LTF: variants seen among roughly 807,000 people sequenced by gnomAD.
The protein encoded by LTF is epididymis luminal protein 110.
LTF carries 91 observed loss-of-function variants against 87.2 expected under a neutral mutation model. That is an observed-to-expected ratio of 1.04 (90% confidence interval 0.88 to 1.24). LTF has a LOEUF of 1.24. Among genes scored for constraint, LTF ranks in the 50% most tolerant of loss-of-function variants. The probability of loss-of-function intolerance (pLI) is 0.00; values close to 1 mark genes in which losing one functional copy is unlikely to be tolerated. For missense variants in LTF, 901 were observed against 904.3 expected (o/e 1.00, Z 0.05); for synonymous variants, 378 against 356.1 (o/e 1.06, Z -0.69).
intron 1 of LTF, among the ~76,000 whole-genome samples, chr3:46,472,898 G>A (rs1703312371): frequency 6.6e-6 from 1 of 152,030 alleles, no homozygotes; most frequent in South Asian, 2.1e-4. Context: ...ACCCCTCCAG[G>A]TGGCCTTCTC....
chr3:46,440,286 G>A (rs1247270270), intron 14 of LTF, among the ~76,000 whole-genome samples: 5 of 152,158 alleles, frequency 3.3e-5, no homozygotes, highest in African/African-American at 1.2e-4. Context: ...TTACATTCAA[G>A]GAGAAATTGG....
rs1387068409 is a variant in LTF, at chr3:46,459,790, C to T, written c.73G>A (p.Val25Ile). ...GGTTGGGATACGGCGCACCACTGAA[C>T]ACTCCTCCTACGGCCAGCCAGACAC... ...GLCLAGRRRS[V>I]QWCAVSQPEA... is the part of the protein sequence containing the mutation. Residue 25 changes from valine (V) to isoleucine (I), a missense_variant, in exon 2 of 17, where the codon GTT (valine) becomes ATT (isoleucine). By Grantham distance (29) the Val-to-Ile change is conservative. Transcript: ENST00000231751. 3 of 1,413,838 alleles carry T rather than the reference C, an allele frequency of 2.1e-6. No homozygotes were observed. In the African/African-American group the frequency reaches 1.0e-4, roughly 47 times the overall value. 87.6% of individuals were successfully genotyped at this position (1,413,838 alleles called of 1,614,324 possible).
intron 11 of LTF, among the ~76,000 whole-genome samples, chr3:46,446,231 G>A (rs1702650516): frequency 6.6e-6 from 1 of 152,116 alleles, no homozygotes; most frequent in African/African-American, 2.4e-5. Context: ...GGGACTATAT[G>A]GATGTTCTTT....
intron 3 of LTF, 101 bp downstream of exon 3, chr3:46,456,189 G>A: frequency 9.1e-7 from 1 of 1,095,448 alleles, no homozygotes; most frequent in Non-Finnish European, 1.4e-6. Context: ...TGTGTGATGT[G>A]ACCCAGACTC....
In LTF at chr3:46,445,396, G is replaced by C; in HGVS notation, c.1398C>G (p.Ser466Arg). The change falls in exon 12 of 17, where the codon AGC (serine) becomes AGG (arginine). Residue 466 changes from serine (S) to arginine (R), a missense_variant. Coordinates refer to ENST00000231751, the MANE Select transcript of LTF (RefSeq NM_002343.6). ...TGCCTTTCACAGAGTTCCAGGTAAG[G>C]CTAGTGTCTGATCTCCTAACCACCG... ...AVAVVRRSDTSLTWNSVKGKK... is the reference protein window; with the variant it reads ...AVAVVRRSDTRLTWNSVKGKK... The C allele has an allele frequency of 6.2e-7, 1 of 1,613,786 alleles. No individual in the cohort carries two copies. The highest frequency in any genetic ancestry group is 8.5e-7 in the Non-Finnish European group (1 of 1,179,804).
intron 6 of LTF, 83 bp downstream of exon 6, chr3:46,454,222 G>A: frequency 8.4e-7 from 1 of 1,190,272 alleles, no homozygotes; most frequent in East Asian, 2.4e-5. Context: ...ATGAACTTAG[G>A]AATCTAATTA....
chr3:46,479,152 C>T (rs1187725702), intron 1 of LTF, among the ~76,000 whole-genome samples: 1 of 152,248 alleles, frequency 6.6e-6, no homozygotes, highest in Non-Finnish European at 1.5e-5. Context: ...CACGCCTGTG[C>T]CCAAGGCTCT....
upstream of LTF, among the ~76,000 whole-genome samples, chr3:46,468,873 G>T (rs113494853): frequency 3.3e-5 from 5 of 152,282 alleles, no homozygotes; most frequent in African/African-American, 1.2e-4. Context: ...AGGCATAGTC[G>T]ATGTATTTAT....
intron 6 of LTF, among the ~76,000 whole-genome samples, chr3:46,452,897 T>G (rs1702837921): frequency 6.6e-6 from 1 of 152,222 alleles, no homozygotes; most frequent in Non-Finnish European, 1.5e-5. Context: ...AAATCTTATT[T>G]TAGGAAATAA....
At chr3:46,478,094 G>A (rs1441942573) in intron 1 of LTF, among the ~76,000 whole-genome samples, 1 of 152,114 alleles carries the variant, frequency 6.6e-6, no homozygotes, top group Non-Finnish European at 1.5e-5. Flanking sequence ...ATTCTGTCCT[G>A]TTATCTGCAA....
chr3:46,437,858 G>T, intron 16 of LTF, 82 bp downstream of exon 16: 1 of 1,047,940 alleles, frequency 9.5e-7, no homozygotes, highest in East Asian at 2.4e-5. Context: ...ACCTGTGTTC[G>T]TTCCTAGAAT....
intron 1 of LTF, among the ~76,000 whole-genome samples, chr3:46,482,695 G>A (rs1444386586): frequency 1.4e-4 from 16 of 114,566 alleles, no homozygotes; most frequent in South Asian, 3.2e-4. Context: ...AAGGAAGGAA[G>A]GAAGGAAGGA....
chr3:46,465,604 T>A (rs1054763519), upstream of LTF, among the ~76,000 whole-genome samples: 7 of 150,876 alleles, frequency 4.6e-5, no homozygotes, highest in African/African-American at 1.5e-4. Flanking sequence ...TACCACTTTT[T>A]TTTTTTTTTG....
chr3:46,436,288 T>C (rs1702385345), intron 16 of LTF, 59 bp from the exon 17 acceptor site: 1 of 1,447,522 alleles, frequency 6.9e-7, no homozygotes, highest in South Asian at 1.1e-5. Context: ...AAACCAGTTA[T>C]TTAATCCAAT....
intron 1 of LTF, among the ~76,000 whole-genome samples, chr3:46,475,462 C>T (rs554188823): frequency 6.6e-6 from 1 of 151,652 alleles, no homozygotes; most frequent in African/African-American, 2.4e-5. Context: ...CTCTGTTATT[C>T]TTGGGAGAAA....
chr3:46,436,261 A>G, intron 16 of LTF, 32 bp from the exon 17 acceptor site: 1 of 1,598,986 alleles, frequency 6.3e-7, no homozygotes, highest in Non-Finnish European at 8.6e-7. Flanking sequence ...GAGATTCAGA[A>G]ACTGATTTCT....
chr3:46,445,220 C>T, intron 12 of LTF, 61 bp downstream of exon 12: 2 of 1,497,436 alleles, frequency 1.3e-6, no homozygotes, highest in Admixed American at 4.1e-5. Flanking sequence ...CCTAAGGTTC[C>T]ACAGCACAAT....
rs993729090 is a variant in LTF, at chr3:46,456,037, C to T, written c.317-59G>A. ...GCCTGGACAAGAGGGACAAAAACAACCCATCCTGAAAAGTCTCCGGTGGGA... is the reference window on the plus strand; with the variant it reads ...GCCTGGACAAGAGGGACAAAAACAATCCATCCTGAAAAGTCTCCGGTGGGA... On this transcript the variant is annotated intron_variant, in intron 3 of 16. Coordinates refer to ENST00000231751, the MANE Select transcript of LTF (RefSeq NM_002343.6). 18 of 1,451,074 alleles carry T rather than the reference C, an allele frequency of 1.2e-5. No homozygotes were observed. In the Admixed American group the frequency reaches 1.9e-4, roughly 16 times the overall value. The allele number at this position is 1,451,074 out of a possible 1,614,324, so 89.9% of individuals were successfully genotyped here.
At chr3:46,484,238 A>G (rs1703488163) in intron 1 of LTF, among the ~76,000 whole-genome samples, 1 of 152,222 alleles carries the variant, frequency 6.6e-6, no homozygotes, top group South Asian at 2.1e-4. Context: ...TAGGTGTTTG[A>G]GCTGGGGCCT....
Sources: gnomAD v4.1 joint callset for allele counts (sites outside exome capture counted in the v4.1 genomes callset) on GRCh38, gnomAD v4.1.1 for gene constraint, MANE v1.5 for transcripts, NCBI Gene and HGNC (gene_info 2026-07-23, HGNC 2026-07-21) for gene names.